DOK6: variants seen among roughly 807,000 people sequenced by gnomAD.
DOK6 encodes downstream of tyrosine kinase 6.
DOK6 carries 22 observed loss-of-function variants against 44.0 expected under a neutral mutation model. That is an observed-to-expected ratio of 0.50 (90% confidence interval 0.36 to 0.71). DOK6 has a LOEUF of 0.71. Among genes scored for constraint, DOK6 ranks in the 30% least tolerant of loss-of-function variants. The probability of loss-of-function intolerance (pLI) is 0.00; values close to 1 mark genes in which losing one functional copy is unlikely to be tolerated. For synonymous variants in DOK6, 166 were observed against 145.5 expected, an observed-to-expected ratio of 1.14 and a Z score of -1.01; for missense variants, 340 against 416.4, an observed-to-expected ratio of 0.82 and a Z score of 1.60.
chr18:69,552,430 C>G (rs1418248152), intron 1 of DOK6, among the ~76,000 whole-genome samples: 1 of 151,798 alleles, frequency 6.6e-6, no homozygotes, highest in Non-Finnish European at 1.5e-5. Context: ...GTGACAATAT[C>G]AATAAAATTT....
At chr18:69,733,968 T>C (rs145107086) in intron 5 of DOK6, among the ~76,000 whole-genome samples, 1 of 152,280 alleles carries the variant, frequency 6.6e-6, no homozygotes, top group African/African-American at 2.4e-5. Flanking sequence ...TATCAAAAGA[T>C]ATTTTCACCG....
At chr18:69,566,042 C>G (rs947191315) in intron 2 of DOK6, among the ~76,000 whole-genome samples, 1 of 152,122 alleles carries the variant, frequency 6.6e-6, no homozygotes, top group Non-Finnish European at 1.5e-5. Flanking sequence ...TATTTGGATG[C>G]CTGGTCAGAG....
chr18:69,441,210 T>A (rs1261500109), intron 1 of DOK6, among the ~76,000 whole-genome samples: 1 of 152,116 alleles, frequency 6.6e-6, no homozygotes, highest in Non-Finnish European at 1.5e-5. Flanking sequence ...TATTACAGTT[T>A]TTATCATTAT....
chr18:69,775,710 A>G (rs991575628), intron 7 of DOK6, among the ~76,000 whole-genome samples: 7 of 151,922 alleles, frequency 4.6e-5, no homozygotes, highest in African/African-American at 1.7e-4. Context: ...AGAAACAAAA[A>G]TGATTACATT....
At chr18:69,738,914 T>C (rs1264975475) in intron 5 of DOK6, 51 bp from the exon 6 acceptor site, 14 of 1,599,678 alleles carry the variant, frequency 8.8e-6, no homozygotes, top group African/African-American at 4.0e-5. Context: ...AAAACTGTTA[T>C]GCACTTGAAC....
intron 1 of DOK6, among the ~76,000 whole-genome samples, chr18:69,445,631 C>A (rs371057472): frequency 2.0e-5 from 3 of 152,126 alleles, no homozygotes; most frequent in African/African-American, 7.2e-5. Context: ...ACCACTCTTT[C>A]ATTTCTAAAA....
intron 2 of DOK6, among the ~76,000 whole-genome samples, chr18:69,570,364 C>G (rs1031593356): frequency 6.6e-6 from 1 of 151,784 alleles, no homozygotes; most frequent in Non-Finnish European, 1.5e-5. Context: ...AAATAGTGAA[C>G]TTAAAGATAG....
chr18:69,761,862 G>A (rs1297205620), intron 7 of DOK6, among the ~76,000 whole-genome samples: 2 of 152,132 alleles, frequency 1.3e-5, no homozygotes, highest in South Asian at 2.1e-4. Context: ...TCCGAGTTAC[G>A]CAAGTTACCG....
intron 5 of DOK6, among the ~76,000 whole-genome samples, chr18:69,718,867 AAT>A (rs1390334516): frequency 6.6e-6 from 1 of 152,192 alleles, no homozygotes; most frequent in Non-Finnish European, 1.5e-5. Flanking sequence ...CATGCAAATT[AAT>A]ATATGAGTAT....
At chr18:69,624,162 C>A (rs1401556624) in intron 3 of DOK6, among the ~76,000 whole-genome samples, 15 of 151,988 alleles carry the variant, frequency 9.9e-5, no homozygotes. Context: ...TTATTGGACC[C>A]TATAATTATC....
chr18:69,772,557 G>A (rs534415215), intron 7 of DOK6, among the ~76,000 whole-genome samples: 43 of 151,990 alleles, frequency 2.8e-4, no homozygotes, highest in Admixed American at 1.4e-3. Context: ...GAAACAAATC[G>A]CAACATTATA....
chr18:69,531,015 C>T (rs1599176378), intron 1 of DOK6, among the ~76,000 whole-genome samples: 1 of 151,912 alleles, frequency 6.6e-6, no homozygotes, highest in East Asian at 1.9e-4. Flanking sequence ...ATGTAATGGC[C>T]TTCTTTGTCT....
At chr18:69,749,807 T>G (rs1443007107) in intron 6 of DOK6, among the ~76,000 whole-genome samples, 2 of 151,708 alleles carry the variant, frequency 1.3e-5, no homozygotes, top group Non-Finnish European at 2.9e-5. Context: ...CTGGGCGTGA[T>G]GGTGCGCACC....
intron 7 of DOK6, among the ~76,000 whole-genome samples, chr18:69,795,731 T>C (rs1980725370): frequency 6.6e-6 from 1 of 152,214 alleles, no homozygotes; most frequent in Non-Finnish European, 1.5e-5. Context: ...TTTGGGAATT[T>C]TCTCCATTTG....
chr18:69,445,526 CT>C (rs201365610), intron 1 of DOK6, among the ~76,000 whole-genome samples: 135 of 152,036 alleles, frequency 8.9e-4, no homozygotes, highest in South Asian at 2.5e-3. Context: ...TTGTCAGATG[CT>C]TTTTTTGGGG....
intron 3 of DOK6, among the ~76,000 whole-genome samples, chr18:69,612,479 C>G (rs1316393385): frequency 6.2e-5 from 3 of 48,062 alleles, no homozygotes; most frequent in Non-Finnish European, 1.3e-4. Flanking sequence ...ATTTCTTGCT[C>G]TTTTCTAACA....
At chr18:69,436,428 G>A (rs1051342723) in intron 1 of DOK6, among the ~76,000 whole-genome samples, 31 of 151,738 alleles carry the variant, frequency 2.0e-4, no homozygotes, top group African/African-American at 7.2e-4. Context: ...TTGGTTTTCT[G>A]TTCCTGTTGC....
At chr18:69,787,018 C>A (rs1652305604) in intron 7 of DOK6, among the ~76,000 whole-genome samples, 1 of 152,172 alleles carries the variant, frequency 6.6e-6, no homozygotes, top group African/African-American at 2.4e-5. Flanking sequence ...GAGTTTGAGA[C>A]CAGCCTGGCC....
intron 3 of DOK6, among the ~76,000 whole-genome samples, chr18:69,665,032 T>A (rs1261482405): frequency 6.6e-6 from 1 of 151,912 alleles, no homozygotes; most frequent in East Asian, 1.9e-4. Context: ...ACAAAAAAAA[T>A]TAGCCAGGCA....
Sources: allele counts gnomAD v4.1 joint callset (sites outside exome capture counted in the v4.1 genomes callset), GRCh38; gene constraint gnomAD v4.1.1; transcripts MANE v1.5; gene names NCBI Gene and HGNC (gene_info 2026-07-23, HGNC 2026-07-21).